PTBP3: variants seen among roughly 807,000 people sequenced by gnomAD.
PTBP3 encodes polypyrimidine tract-binding protein 3.
PTBP3 carries 20 observed loss-of-function variants against 58.7 expected under a neutral mutation model. That is an observed-to-expected ratio of 0.34 (90% CI 0.24 to 0.50). The LOEUF (loss-of-function observed/expected upper bound fraction) is 0.50, where lower values mean the gene tolerates loss of function less well. PTBP3 is among the 20% of genes least tolerant of loss of function. The probability of loss-of-function intolerance (pLI) is 0.98; values close to 1 mark genes in which losing one functional copy is unlikely to be tolerated. For synonymous variants in PTBP3, 185 were observed against 219.8 expected (o/e 0.84, Z 1.40); for missense variants, 509 against 637.2 (o/e 0.80, Z 2.17).
intron 5 of PTBP3, among the ~76,000 whole-genome samples, chr9:112,257,186 A>T (rs1002836092): frequency 6.6e-6 from 1 of 152,212 alleles, no homozygotes; most frequent in African/African-American, 2.4e-5. Flanking sequence ...GAATGGGCTA[A>T]CCAGCAATAG....
In PTBP3 at chr9:112,250,936, A is replaced by C; in HGVS notation, c.795T>G (p.Ala265=). 1.3e-6 allele frequency: 2 copies of C among 1,556,558 alleles called. No homozygotes were observed. Among genetic ancestry groups the C allele is most frequent in the East Asian group, 4.6e-5 (2 of 43,260 alleles). The change falls in exon 7 of 14, where the codon GCT becomes GCG. Residue 265 remains alanine, a synonymous_variant. Coordinates refer to ENST00000374257, the MANE Select transcript of PTBP3 (RefSeq NM_001163788.4). Reference sequence around the variant, plus strand: ...CAAAAAAGAACTACTCACCAAAAGCAGCAGCCATAGGGGGTTCAAGGGATG... The same window carrying C: ...CAAAAAAGAACTACTCACCAAAAGCCGCAGCCATAGGGGGTTCAAGGGATG... ...GQPSLEPPMA[A]AFGAPGIISS... is the part of the protein sequence containing the mutation.
the PTBP3 span, among the ~76,000 whole-genome samples, chr9:112,343,982 C>G: frequency 6.6e-6 from 1 of 151,912 alleles, no homozygotes; most frequent in Non-Finnish European, 1.5e-5. Flanking sequence ...TTTGCAGGAG[C>G]TACACACACA....
intron 2 of PTBP3, among the ~76,000 whole-genome samples, chr9:112,284,151 T>C (rs1564432839): frequency 1.3e-5 from 2 of 152,308 alleles, no homozygotes; most frequent in Middle Eastern, 6.8e-3. Flanking sequence ...GCACTGCACC[T>C]AGTGGAGCTG....
intron 1 of PTBP3, among the ~76,000 whole-genome samples, chr9:112,302,689 A>T (rs933263358): frequency 1.4e-5 from 2 of 145,592 alleles, no homozygotes; most frequent in Non-Finnish European, 3.0e-5. Context: ...CCCAGGTTCC[A>T]ATGATTCTCG....
At chr9:112,287,616 C>G (rs1160959638) in intron 2 of PTBP3, among the ~76,000 whole-genome samples, 1 of 152,106 alleles carries the variant, frequency 6.6e-6, no homozygotes, top group African/African-American at 2.4e-5. Flanking sequence ...GCTAGGATTA[C>G]AGGGGTGAGC....
At chr9:112,236,618 C>T (rs1835448107) in intron 7 of PTBP3, among the ~76,000 whole-genome samples, 2 of 152,138 alleles carry the variant, frequency 1.3e-5, no homozygotes, top group Non-Finnish European at 2.9e-5. Context: ...TATTCACTTG[C>T]CCCCTTCTAT....
the PTBP3 span, among the ~76,000 whole-genome samples, chr9:112,349,446 C>T: frequency 6.6e-6 from 1 of 152,086 alleles, no homozygotes; most frequent in Non-Finnish European, 1.5e-5. Flanking sequence ...TCACAGGAAC[C>T]CCCCAATTAT....
chr9:112,268,712 CAAA>C (rs56196327), intron 3 of PTBP3, among the ~76,000 whole-genome samples: 2,945 of 93,314 alleles, frequency 0.032, 51 homozygotes, highest in African/African-American at 0.11. Flanking sequence ...GACACCGTCT[CAAA>C]AAAAAAAAAA....
Position 112,332,878 on chromosome 9 carries a change from C to T in PTBP3, c.-52+592G>A, listed in dbSNP as rs184356270. ...GTCCAGACCCCTGGTGTCGAGAAAG[C>T]GTTAACGTATCTCACAGCACAAGTC... On this transcript the variant is annotated intron_variant, in intron 1 of 13. Transcript: ENST00000374257. The T allele has an allele frequency of 5.8e-5, 94 of 1,607,548 alleles. No homozygotes were observed. In the African/African-American group the frequency reaches 1.2e-3, roughly 21 times the overall value.
At position 112,237,852 on chromosome 9, in the gene PTBP3, G is replaced by C. The variant is rs1291246977; in HGVS notation, c.803-2955C>G. On this transcript the variant is annotated intron_variant, in intron 7 of 13. Transcript: ENST00000374257. ...AGGAAGGTTTGCTTTGTGACCAGCA[G>C]AGAAGGGAGAAAAGTCCCCTGAAAA... Among the ~76,000 whole-genome samples, 10 of 152,334 alleles carry C rather than the reference G, an allele frequency of 6.6e-5. No individual in the cohort carries two copies. In the East Asian group the frequency reaches 1.9e-3, roughly 29 times the overall value.
At chr9:112,372,399 A>G in the PTBP3 span, among the ~76,000 whole-genome samples, 1 of 152,120 alleles carries the variant, frequency 6.6e-6, no homozygotes, top group African/African-American at 2.4e-5. Context: ...TTTTTTGTTT[A>G]AAAAAACGAG....
the PTBP3 span, among the ~76,000 whole-genome samples, chr9:112,349,863 CAAAAAAAA>C: frequency 2.6e-4 from 13 of 49,696 alleles, no homozygotes; most frequent in African/African-American, 1.2e-3. Context: ...GACTCTGTCT[CAAAAAAAA>C]AAAAAAAAAA....
At chr9:112,256,936 T>A (rs1239068481) in intron 5 of PTBP3, among the ~76,000 whole-genome samples, 1 of 152,198 alleles carries the variant, frequency 6.6e-6, no homozygotes, top group Non-Finnish European at 1.5e-5. Context: ...TAAATATTCT[T>A]GATGTAAAAT....
chr9:112,264,404 AAT>A (rs1429827403), intron 4 of PTBP3, among the ~76,000 whole-genome samples: 1 of 152,218 alleles, frequency 6.6e-6, no homozygotes. Context: ...TGTATCTCAG[AAT>A]ATGACCTAAA....
chr9:112,302,870 G>A (rs1047705063), intron 1 of PTBP3, among the ~76,000 whole-genome samples: 7 of 152,220 alleles, frequency 4.6e-5, no homozygotes, highest in Middle Eastern at 3.4e-3. Flanking sequence ...GATTACAGGC[G>A]TGAGCCACCA....
intron 6 of PTBP3, chr9:112,252,311 A>G: frequency 4.0e-6 from 1 of 250,682 alleles, no homozygotes; most frequent in South Asian, 4.9e-5. Context: ...CTCAGAAGTT[A>G]AGCAGGGTCG....
intron 2 of PTBP3, among the ~76,000 whole-genome samples, chr9:112,276,884 CA>C: frequency 6.6e-6 from 1 of 152,032 alleles, no homozygotes; most frequent in Non-Finnish European, 1.5e-5. Flanking sequence ...GAAATAGAAC[CA>C]AAAGACTAAA....
chr9:112,249,866 A>G (rs1315315072), intron 7 of PTBP3, among the ~76,000 whole-genome samples: 1 of 151,954 alleles, frequency 6.6e-6, no homozygotes, highest in South Asian at 2.1e-4. Flanking sequence ...TGTTATTAAA[A>G]TGGTAATGAC....
the PTBP3 span, among the ~76,000 whole-genome samples, chr9:112,370,334 G>A: frequency 1.3e-5 from 2 of 152,166 alleles, no homozygotes; most frequent in Admixed American, 6.5e-5. Flanking sequence ...TTGAGCTCAG[G>A]AGTTCAAGAC....
Sources: gnomAD v4.1 joint callset for allele counts (sites outside exome capture counted in the v4.1 genomes callset) on GRCh38, gnomAD v4.1.1 for gene constraint, MANE v1.5 for transcripts, NCBI Gene and HGNC (gene_info 2026-07-23, HGNC 2026-07-21) for gene names.